Variants in NHEJ1 observed in about 807,000 individuals in gnomAD.
The protein encoded by NHEJ1 is non-homologous end-joining factor 1.
A neutral mutation model predicts 39.4 loss-of-function variants in NHEJ1; 22 were observed. The ratio of observed to expected loss-of-function variants is 0.56; its 90% CI spans 0.40 to 0.80. NHEJ1 has a LOEUF of 0.80. NHEJ1 is among the 30% of genes least tolerant of loss of function. The pLI, the probability that NHEJ1 is intolerant of heterozygous loss-of-function variation, is 0.00. For missense variants in NHEJ1, 329 were observed against 357.1 expected (o/e 0.92, Z 0.63); for synonymous variants, 154 against 135.6 (o/e 1.14, Z -0.94).
intron 5 of NHEJ1, among the ~76,000 whole-genome samples, chr2:219,137,738 T>C (rs1949649281): frequency 6.6e-6 from 1 of 152,162 alleles, no homozygotes; most frequent in South Asian, 2.1e-4. Flanking sequence ...TTTTCCATCC[T>C]TTGCCCAAGT....
chr2:219,115,918 G>T (rs1042392794), intron 5 of NHEJ1, among the ~76,000 whole-genome samples: 2 of 152,124 alleles, frequency 1.3e-5, no homozygotes, highest in Non-Finnish European at 2.9e-5. Context: ...TCAAGAGATC[G>T]AGACCATGCT....
At chr2:219,109,168 G>A (rs1441401106) in intron 5 of NHEJ1, among the ~76,000 whole-genome samples, 1 of 152,152 alleles carries the variant, frequency 6.6e-6, no homozygotes, top group Admixed American at 6.5e-5. Context: ...TGCTGCCTAA[G>A]ACTACACATC....
intron 5 of NHEJ1, among the ~76,000 whole-genome samples, chr2:219,143,177 G>T (rs974736948): frequency 1.3e-5 from 2 of 149,872 alleles, no homozygotes; most frequent in Non-Finnish European, 3.0e-5. Flanking sequence ...TCCCTGGTTT[G>T]TTTATCTTCC....
chr2:219,104,711 AC>A (rs1949299012), intron 5 of NHEJ1, among the ~76,000 whole-genome samples: 1 of 121,896 alleles, frequency 8.2e-6, no homozygotes, highest in African/African-American at 3.2e-5. Flanking sequence ...ACCCCCCCAC[AC>A]ACACAAAAAA....
intron 5 of NHEJ1, among the ~76,000 whole-genome samples, chr2:219,118,867 C>A (rs917340698): frequency 8.5e-5 from 13 of 152,268 alleles, no homozygotes; most frequent in Middle Eastern, 3.4e-3. Context: ...AATGACTGAG[C>A]TGTGGGAATC....
chr2:219,129,602 G>A (rs952274772), intron 5 of NHEJ1, among the ~76,000 whole-genome samples: 2 of 152,188 alleles, frequency 1.3e-5, no homozygotes, highest in African/African-American at 4.8e-5. Context: ...GAGGGATGTC[G>A]GGGCGGGACT....
intron 5 of NHEJ1, among the ~76,000 whole-genome samples, chr2:219,141,079 G>A (rs1171079940): frequency 1.3e-5 from 2 of 152,028 alleles, no homozygotes; most frequent in Non-Finnish European, 2.9e-5. Context: ...GCATGGTCAA[G>A]CCAAAAAAGG....
At chr2:219,110,821 G>T (rs1559193513) in intron 5 of NHEJ1, among the ~76,000 whole-genome samples, 1 of 152,148 alleles carries the variant, frequency 6.6e-6, no homozygotes, top group African/African-American at 2.4e-5. Context: ...ACAGGAAGGA[G>T]GCGGCCACCG....
chr2:219,079,669 C>T (rs1194010487), intron 5 of NHEJ1, among the ~76,000 whole-genome samples: 2 of 152,172 alleles, frequency 1.3e-5, no homozygotes, highest in Non-Finnish European at 2.9e-5. Flanking sequence ...GCAGCATTCC[C>T]TGAGGAATGA....
Position 219,094,892 on chromosome 2 carries a change from G to A in NHEJ1, c.589-16686C>T, listed in dbSNP as rs376009810. On this transcript the variant is annotated intron_variant, in intron 5 of 7. Coordinates refer to ENST00000356853, the MANE Select transcript of NHEJ1 (RefSeq NM_024782.3). ...ACCAAATCTAGGCTCTGGTTACAGG[G>A]CATCTTGAACACCTGCTAATAATAA... is the stretch of plus-strand genomic sequence containing the variant. 1.0e-3 allele frequency among the ~76,000 whole-genome samples: 154 copies of A among 152,204 alleles called. 1 individual carries two copies. Among genetic ancestry groups the A allele is most frequent in the African/African-American group, 3.1e-3 (127 of 41,516 alleles).
chr2:219,158,068 G>GTACA, intron 2 of NHEJ1, 118 bp downstream of exon 2: 1 of 912,106 alleles, frequency 1.1e-6, no homozygotes. Context: ...ACAGGTAGAA[G>GTACA]TACAGGACAT....
At chr2:219,147,604 C>T in intron 4 of NHEJ1, 53 bp downstream of exon 4, 1 of 1,612,738 alleles carries the variant, frequency 6.2e-7, no homozygotes, top group South Asian at 1.1e-5. Flanking sequence ...TGCTAAGACC[C>T]TTTGACTATT....
chr2:219,116,139 T>C (rs1400555536), intron 5 of NHEJ1, among the ~76,000 whole-genome samples: 3 of 152,070 alleles, frequency 2.0e-5, no homozygotes, highest in Admixed American at 6.5e-5. Flanking sequence ...ATCAAAAATA[T>C]ATAATTCCTG....
At chr2:219,141,987 C>T (rs912389152) in intron 5 of NHEJ1, among the ~76,000 whole-genome samples, 2 of 152,194 alleles carry the variant, frequency 1.3e-5, no homozygotes, top group Non-Finnish European at 2.9e-5. Context: ...GCAGCAGTGA[C>T]TCTCTTCATA....
At chr2:219,100,874 C>A (rs1277819787) in intron 5 of NHEJ1, among the ~76,000 whole-genome samples, 1 of 152,132 alleles carries the variant, frequency 6.6e-6, no homozygotes, top group Non-Finnish European at 1.5e-5. Flanking sequence ...GGGCATTTTA[C>A]AAAATTATTT....
intron 5 of NHEJ1, among the ~76,000 whole-genome samples, chr2:219,130,236 T>C (rs1433211777): frequency 1.3e-5 from 2 of 152,136 alleles, no homozygotes; most frequent in African/African-American, 2.4e-5. Context: ...TATATTTATA[T>C]ATGAGGACAA....
At chr2:219,152,787 A>AC (rs1949809259) in intron 3 of NHEJ1, among the ~76,000 whole-genome samples, 2 of 43,684 alleles carry the variant, frequency 4.6e-5, no homozygotes, top group Non-Finnish European at 1.2e-4. Flanking sequence ...TTATTTATTT[A>AC]TTTTTATTTA....
intron 3 of NHEJ1, 144 bp from the exon 4 acceptor site, chr2:219,147,939 T>C (rs1949758797): frequency 1.3e-6 from 1 of 778,588 alleles, no homozygotes; most frequent in Non-Finnish European, 2.1e-6. Context: ...TTTACATGAA[T>C]GTAAACACAA....
At chr2:219,080,312 G>A (rs931316314) in intron 5 of NHEJ1, among the ~76,000 whole-genome samples, 2 of 151,948 alleles carry the variant, frequency 1.3e-5, no homozygotes, top group Non-Finnish European at 2.9e-5. Context: ...CGAGGCGGGC[G>A]GATCACAACG....
Sources: allele counts gnomAD v4.1 joint callset (sites outside exome capture counted in the v4.1 genomes callset), GRCh38; gene constraint gnomAD v4.1.1; transcripts MANE v1.5; gene names NCBI Gene and HGNC (gene_info 2026-07-23, HGNC 2026-07-21).